The following ZCCHC14 variants were observed in gnomAD, a reference collection of about 807,000 sequenced individuals.
The protein encoded by ZCCHC14 is zinc finger CCHC-type containing 14, also known as zinc finger CCHC domain-containing protein 14.
Under a neutral mutation model 85.0 loss-of-function variants are expected in ZCCHC14, and 16 were observed. The ratio of observed to expected loss-of-function variants is 0.19; its 90% CI spans 0.13 to 0.29. The LOEUF (loss-of-function observed/expected upper bound fraction) is 0.29. Among genes scored for constraint, ZCCHC14 ranks in the 10% least tolerant of loss-of-function variants. ZCCHC14 has a pLI of 1.00. For missense variants in ZCCHC14, 1,303 were observed against 1,443.5 expected (o/e 0.90, Z 1.58); for synonymous variants, 775 against 630.7 (o/e 1.23, Z -3.43).
intron 2 of ZCCHC14, among the ~76,000 whole-genome samples, chr16:87,456,648 G>A (rs1415001098): frequency 6.7e-6 from 1 of 150,058 alleles, no homozygotes; most frequent in East Asian, 2.0e-4. Context: ...TTGGTCTTTA[G>A]CTCTCTTCAG....
chr16:87,414,586 G>A (rs1453165041), intron 9 of ZCCHC14, 45 bp from the exon 10 acceptor site: 1 of 1,575,926 alleles, frequency 6.3e-7, no homozygotes, highest in African/African-American at 1.3e-5. Flanking sequence ...CTGCCTACTG[G>A]TGCTGCCTCA....
intron 2 of ZCCHC14, among the ~76,000 whole-genome samples, chr16:87,433,661 TTTC>T (rs1018985235): frequency 2.6e-5 from 4 of 152,170 alleles, no homozygotes; most frequent in African/African-American, 7.2e-5. Flanking sequence ...TTCTATGTAT[TTTC>T]TTCTTTTTTC....
At position 87,406,884 on chromosome 16, in the gene ZCCHC14, C is replaced by A. The variant is rs1360100997; in HGVS notation, c.*3396G>T. 2.0e-5 allele frequency: 3 copies of A among 152,224 alleles called. No individual in the cohort carries two copies. The highest frequency in any genetic ancestry group is 4.4e-5 in the Non-Finnish European group (3 of 68,072). The allele number at this position is 152,224 out of a possible 1,614,324, so 9.4% of individuals were successfully genotyped here. A position where few individuals can be genotyped will look rare whatever the true frequency, so the allele number is the denominator to read the frequency against. ...TCACCTGCATGCTGGAAATGGCAGC[C>A]ACCCCCGCTCAGGTCGCACAGGACT... On this transcript the variant is annotated 3_prime_UTR_variant, in exon 13 of 13. Transcript: ENST00000671377.
chr16:87,410,230 T>C lies in ZCCHC14; in HGVS notation c.*50A>G, dbSNP rs764519906. The C allele has an allele frequency of 2.9e-6, 2 of 688,446 alleles. No homozygotes were observed. Among genetic ancestry groups the C allele is most frequent in the Admixed American group, 4.7e-5 (2 of 42,438 alleles). The allele number at this position is 688,446 out of a possible 1,614,324, so 42.6% of individuals were successfully genotyped here. ...TAGACTTCTCAGTTTTGTATTTAAT[T>C]TTCCTTATGTCTCCATGGCTTAATA... is the stretch of plus-strand genomic sequence containing the variant. On this transcript the variant is annotated 3_prime_UTR_variant, in exon 13 of 13. Coordinates refer to ENST00000671377, the MANE Select transcript of ZCCHC14 (RefSeq NM_015144.3).
At chr16:87,427,640 A>AT (rs1229488108) in intron 3 of ZCCHC14, among the ~76,000 whole-genome samples, 3 of 151,930 alleles carry the variant, frequency 2.0e-5, no homozygotes, top group South Asian at 2.1e-4. Context: ...TTGTTTTATC[A>AT]TTTTTTTTCT....
At position 87,492,736 on chromosome 16, in the gene ZCCHC14, CGGCCGTTACCCCG is replaced by C. The variant is rs1024889054; in HGVS notation, c.-511_-499del. On this transcript the variant is annotated 5_prime_UTR_variant, in exon 1 of 13. Coordinates refer to ENST00000671377, the MANE Select transcript of ZCCHC14 (RefSeq NM_015144.3). The surrounding 1 kb of genome is among the most constrained non-coding windows in gnomAD (Gnocchi z 6.7). The stretch of plus-strand genomic sequence containing the variant: ...CCGCCGCCCGCGCCTCCGCCCAGGC[CGGCCGTTACCCCG>C]GGCCGCGGGCGCGGCGTCGCCGCCT... 6.8e-6 allele frequency: 1 copy of C among 146,478 alleles called. No individual in the cohort carries two copies. The highest frequency in any genetic ancestry group is 1.5e-5 in the Non-Finnish European group (1 of 65,858). The allele number at this position is 146,478 out of a possible 1,614,324, so 9.1% of individuals were successfully genotyped here. A position where few individuals can be genotyped will look rare whatever the true frequency, so the allele number is the denominator to read the frequency against.
At chr16:87,436,692 C>G (rs1035560835) in intron 2 of ZCCHC14, among the ~76,000 whole-genome samples, 8 of 152,190 alleles carry the variant, frequency 5.3e-5, no homozygotes, top group African/African-American at 7.2e-5. Context: ...ATGTAACAAC[C>G]TGCACATCCT....
intron 1 of ZCCHC14, among the ~76,000 whole-genome samples, chr16:87,488,031 C>T (rs1255497186): frequency 6.6e-6 from 1 of 152,120 alleles, no homozygotes; most frequent in South Asian, 2.1e-4. Flanking sequence ...GAGATGGAAA[C>T]GTTCAGTGGC....
At chr16:87,466,899 G>A (rs954785493) in intron 1 of ZCCHC14, among the ~76,000 whole-genome samples, 2 of 152,120 alleles carry the variant, frequency 1.3e-5, no homozygotes, top group Admixed American at 6.5e-5. Flanking sequence ...CACCAGAGGG[G>A]CAGCCTGCCA....
At chr16:87,413,026 T>A in intron 11 of ZCCHC14, 29 bp downstream of exon 11, 1 of 1,614,082 alleles carries the variant, frequency 6.2e-7, no homozygotes. Flanking sequence ...CTGGGCCAGG[T>A]CGAGCCAGCG....
chr16:87,429,812 G>C (rs2150735568), intron 3 of ZCCHC14, among the ~76,000 whole-genome samples: 1 of 152,296 alleles, frequency 6.6e-6, no homozygotes, highest in South Asian at 2.1e-4. Flanking sequence ...TTGCCATCTT[G>C]GCTAGGCTGG....
chr16:87,438,722 C>T (rs149435384), intron 2 of ZCCHC14, among the ~76,000 whole-genome samples: 52 of 152,322 alleles, frequency 3.4e-4, no homozygotes, highest in African/African-American at 1.1e-3. Flanking sequence ...CCTGGGCCCA[C>T]GGTCAGCACT....
At chr16:87,474,396 TC>T (rs1262270635) in intron 1 of ZCCHC14, 1 of 152,234 alleles carries the variant, frequency 6.6e-6, no homozygotes, top group Non-Finnish European at 1.5e-5. Context: ...CAGCCTCCCT[TC>T]CTCAGGGAGA....
In ZCCHC14 at chr16:87,460,101, T is replaced by A. The variant is rs534879306; in HGVS notation, c.601A>T (p.Ser201Cys). The change falls in exon 2 of 13, where the codon AGT (serine) becomes TGT (cysteine). Residue 201 changes from serine (S) to cysteine (C), a missense_variant. By Grantham distance (112) the Ser-to-Cys change is moderately radical. This residue lies in a region of ZCCHC14 where 389 missense variants were observed against 397.8 expected (regional missense o/e 0.98). Transcript: ENST00000671377. ...GCATTCTCCAAACTATTACTGACACTGCTGACAGGGGCCTCAGTTCTTGGA... is the reference window on the plus strand; with the variant it reads ...GCATTCTCCAAACTATTACTGACACAGCTGACAGGGGCCTCAGTTCTTGGA... ...ITPRTEAPVS[S>C]VSNSLENALH... 1 of 1,614,142 alleles carries A rather than the reference T, an allele frequency of 6.2e-7. No homozygotes were observed. Among genetic ancestry groups the A allele is most frequent in the East Asian group, 2.2e-5 (1 of 44,872 alleles).
rs1386445032 is a variant in ZCCHC14 at position 87,491,421 on chromosome 16, CGGAGGCTTGGGATGTACGGT to C, written c.570+228_570+247del. Among the ~76,000 whole-genome samples the C allele has an allele frequency of 2.1e-4, 31 of 146,376 alleles. No individual in the cohort carries two copies. Among genetic ancestry groups the C allele is most frequent in the African/African-American group, 5.4e-4 (20 of 37,018 alleles). ...TACGGCGGAGGCTTGGGATGTACGGCGGAGGCTTGGGATGTACGGTGGAGGCTTGGAGAGGTGGGGCACAC... is the reference window on the plus strand; with the variant it reads ...TACGGCGGAGGCTTGGGATGTACGGCGGAGGCTTGGAGAGGTGGGGCACAC... On this transcript the variant is annotated intron_variant, in intron 1 of 12. Coordinates refer to ENST00000671377, the MANE Select transcript of ZCCHC14 (RefSeq NM_015144.3). This position sits in a 1 kb window ranked among gnomAD's most constrained non-coding sequence, Gnocchi z 5.9.
At chr16:87,486,804 G>C (rs1337394404) in intron 1 of ZCCHC14, among the ~76,000 whole-genome samples, 3 of 152,172 alleles carry the variant, frequency 2.0e-5, no homozygotes, top group African/African-American at 7.2e-5. Context: ...TCATAGACCA[G>C]GCGGTTCCCA....
chr16:87,422,077 C>T (rs1298157079), intron 4 of ZCCHC14, among the ~76,000 whole-genome samples: 1 of 152,112 alleles, frequency 6.6e-6, no homozygotes, highest in African/African-American at 2.4e-5. Flanking sequence ...CTAGTGAAAA[C>T]GACAATATGC....
At chr16:87,459,867 G>C in intron 2 of ZCCHC14, 141 bp downstream of exon 2, 2 of 1,326,870 alleles carry the variant, frequency 1.5e-6, no homozygotes, top group Non-Finnish European at 2.1e-6. Flanking sequence ...TTCATGTATT[G>C]CTTATAGAAT....
At chr16:87,445,767 C>G (rs998152049) in intron 2 of ZCCHC14, among the ~76,000 whole-genome samples, 6 of 152,216 alleles carry the variant, frequency 3.9e-5, no homozygotes, top group Non-Finnish European at 5.9e-5. Flanking sequence ...CACAGCATAT[C>G]ACAAACATTT....
Sources: gnomAD v4.1 joint callset for allele counts (sites outside exome capture counted in the v4.1 genomes callset) on GRCh38, gnomAD v4.1.1 for gene constraint, gnomAD v4.1.1 regional missense constraint, Gnocchi (gnomAD v3.1) non-coding constraint, MANE v1.5 for transcripts, NCBI Gene and HGNC (gene_info 2026-07-23, HGNC 2026-07-21) for gene names.